The following PHKB variants were observed in gnomAD, a reference collection of about 807,000 sequenced individuals.
PHKB encodes phosphorylase kinase regulatory subunit beta, also known as phosphorylase b kinase regulatory subunit beta.
PHKB carries 122 observed loss-of-function variants against 152.1 expected under a neutral mutation model. That is an observed-to-expected ratio of 0.80 (90% CI 0.69 to 0.93). The LOEUF (loss-of-function observed/expected upper bound fraction) is 0.93. Ranked by LOEUF, PHKB falls within the 40% of genes least tolerant of loss-of-function variation. The pLI is 0.00. For missense variants in PHKB, 1,304 were observed against 1,328.4 expected, an observed-to-expected ratio of 0.98 and a Z score of 0.29; for synonymous variants, 436 against 464.9, an observed-to-expected ratio of 0.94 and a Z score of 0.80.
At chr16:47,601,151 A>G (rs986598815) in intron 13 of PHKB, among the ~76,000 whole-genome samples, 1 of 152,120 alleles carries the variant, frequency 6.6e-6, no homozygotes, top group East Asian at 1.9e-4. Flanking sequence ...CTGGAGGTCA[A>G]GGTTGTGGTG....
intron 1 of PHKB, among the ~76,000 whole-genome samples, chr16:47,478,646 G>A (rs1018257737): frequency 6.6e-6 from 1 of 151,898 alleles, no homozygotes; most frequent in African/African-American, 2.4e-5. Flanking sequence ...GAGTTATTGT[G>A]AGGATTAAAT....
intron 25 of PHKB, 154 bp downstream of exon 25, chr16:47,665,129 G>A (rs1192030905): frequency 5.7e-5 from 37 of 646,996 alleles, no homozygotes; most frequent in South Asian, 4.0e-4. Context: ...ATTAGTTATT[G>A]ACTTAATTTT....
chr16:47,665,783 A>G (rs1304228056), intron 25 of PHKB: 1 of 705,398 alleles, frequency 1.4e-6, no homozygotes, highest in Non-Finnish European at 2.6e-6. Flanking sequence ...AGTCTGGGAA[A>G]TTTCAGCTGT....
intron 6 of PHKB, among the ~76,000 whole-genome samples, chr16:47,518,072 G>T (rs1320232359): frequency 2.0e-5 from 3 of 152,056 alleles, no homozygotes; most frequent in Non-Finnish European, 4.4e-5. Flanking sequence ...TGTATCTTAG[G>T]CTCTGGTTTG....
At chr16:47,510,355 C>T (rs1970489693) in intron 4 of PHKB, among the ~76,000 whole-genome samples, 1 of 152,150 alleles carries the variant, frequency 6.6e-6, no homozygotes, top group Non-Finnish European at 1.5e-5. Context: ...ACCCTCTGAT[C>T]CCTTGGTTGG....
chr16:47,617,823 G>T (rs1406722434), intron 14 of PHKB, among the ~76,000 whole-genome samples: 1 of 152,202 alleles, frequency 6.6e-6, no homozygotes, highest in Non-Finnish European at 1.5e-5. Context: ...ATCTGGTTGG[G>T]AACAAAGAAG....
chr16:47,567,110 T>C (rs556028517), intron 7 of PHKB, among the ~76,000 whole-genome samples: 2 of 152,194 alleles, frequency 1.3e-5, no homozygotes, highest in East Asian at 3.8e-4. Context: ...TAGGATTGTT[T>C]TTTTCTAAAT....
At chr16:47,521,931 T>C (rs536326430) in intron 6 of PHKB, among the ~76,000 whole-genome samples, 1 of 152,326 alleles carries the variant, frequency 6.6e-6, no homozygotes, top group South Asian at 2.1e-4. Context: ...TGATGTATAA[T>C]CCTTTTTAAA....
intron 14 of PHKB, among the ~76,000 whole-genome samples, chr16:47,627,232 A>G (rs1214295880): frequency 6.6e-6 from 1 of 151,940 alleles, no homozygotes; most frequent in Non-Finnish European, 1.5e-5. Flanking sequence ...CGTTCTCGTC[A>G]TTTGTTCTTC....
chr16:47,564,784 G>T (rs1272898769), intron 7 of PHKB, among the ~76,000 whole-genome samples: 1 of 152,160 alleles, frequency 6.6e-6, no homozygotes, highest in Non-Finnish European at 1.5e-5. Flanking sequence ...TATAGTGAAA[G>T]ATAGGAATCC....
chr16:47,652,795 G>C (rs144397445), intron 20 of PHKB, among the ~76,000 whole-genome samples: 125 of 151,922 alleles, frequency 8.2e-4, no homozygotes, highest in African/African-American at 2.7e-3. Context: ...GGTACATGCC[G>C]CCATGCCCAA....
At chr16:47,671,084 T>C (rs1028994934) in intron 26 of PHKB, among the ~76,000 whole-genome samples, 5 of 152,182 alleles carry the variant, frequency 3.3e-5, no homozygotes, top group Non-Finnish European at 2.9e-5. Flanking sequence ...ATACTTAAAT[T>C]TGTATCTCAA....
chr16:47,625,866 A>G (rs1255274262), intron 14 of PHKB, among the ~76,000 whole-genome samples: 3 of 152,188 alleles, frequency 2.0e-5, no homozygotes, highest in Non-Finnish European at 4.4e-5. Flanking sequence ...TACCTTTTCT[A>G]TAAAGTCCTT....
intron 6 of PHKB, among the ~76,000 whole-genome samples, chr16:47,539,967 C>T (rs1463175933): frequency 1.3e-5 from 2 of 152,170 alleles, no homozygotes; most frequent in East Asian, 3.9e-4. Flanking sequence ...CAAGGGAAGA[C>T]ACCCATAAGG....
intron 5 of PHKB, among the ~76,000 whole-genome samples, chr16:47,513,855 A>T (rs1597045779): frequency 6.6e-6 from 1 of 152,204 alleles, no homozygotes; most frequent in Non-Finnish European, 1.5e-5. Flanking sequence ...TTGAGATACA[A>T]TTCACGTAAC....
chr16:47,497,746 C>T (rs1339409294), intron 2 of PHKB, among the ~76,000 whole-genome samples: 1 of 152,092 alleles, frequency 6.6e-6, no homozygotes, highest in Non-Finnish European at 1.5e-5. Context: ...TCTTCCTAAA[C>T]ATTACCAGAT....
rs1336371370 is a variant in PHKB, at chr16:47,463,033, G to C, written c.76+1607G>C. ...TGGCTACTAACGATGTGGCTATCTG[G>C]ATATAAAAAGTGTTATTGGATTGGT... On this transcript the variant is annotated intron_variant, in intron 1 of 30. Transcript: ENST00000323584. The C allele has an allele frequency of 4.6e-5, 7 of 152,600 alleles. No individual in the cohort carries two copies. The East Asian group carries it at 1.3e-3, about 29-fold the overall frequency. The allele number at this position is 152,600 out of a possible 1,614,324, so 9.5% of individuals were successfully genotyped here.
At chr16:47,655,816 C>A (rs1973325960) in intron 20 of PHKB, among the ~76,000 whole-genome samples, 1 of 152,180 alleles carries the variant, frequency 6.6e-6, no homozygotes, top group South Asian at 2.1e-4. Flanking sequence ...CTAGTTACTG[C>A]AGAAGGGAAT....
chr16:47,556,526 T>G (rs1971372925), intron 7 of PHKB, among the ~76,000 whole-genome samples: 1 of 152,220 alleles, frequency 6.6e-6, no homozygotes, highest in Non-Finnish European at 1.5e-5. Context: ...ATTGAGATAA[T>G]CATGTGGTTT....
Sources: gnomAD v4.1 joint callset for allele counts (sites outside exome capture counted in the v4.1 genomes callset) on GRCh38, gnomAD v4.1.1 for gene constraint, MANE v1.5 for transcripts, NCBI Gene and HGNC (gene_info 2026-07-23, HGNC 2026-07-21) for gene names.